Variants in PPP2R2C observed in about 807,000 individuals in gnomAD.
PPP2R2C encodes the protein protein phosphatase 2 regulatory subunit Bgamma, also known as protein phosphatase 2, regulatory subunit B, gamma.
PPP2R2C carries 10 observed loss-of-function variants against 45.3 expected under a neutral mutation model. The ratio of observed to expected loss-of-function variants is 0.22; its 90% CI spans 0.14 to 0.37. The LOEUF (loss-of-function observed/expected upper bound fraction) is 0.37, where lower values mean the gene tolerates loss of function less well. Among genes scored for constraint, PPP2R2C ranks in the 10% least tolerant of loss-of-function variants. The pLI is 1.00. For synonymous variants in PPP2R2C, 257 were observed against 245.4 expected (o/e 1.05, Z -0.44); for missense variants, 308 against 619.7 (o/e 0.50, Z 5.34).
intron 1 of PPP2R2C, among the ~76,000 whole-genome samples, chr4:6,420,211 G>A (rs1352927489): frequency 6.6e-6 from 1 of 152,164 alleles, no homozygotes; most frequent in Admixed American, 6.5e-5. Context: ...CCCAAGGACA[G>A]GCTGTGCAAC....
intron 1 of PPP2R2C, among the ~76,000 whole-genome samples, chr4:6,417,329 G>T (rs1372353837): frequency 6.6e-6 from 1 of 152,236 alleles, no homozygotes; most frequent in Non-Finnish European, 1.5e-5. Flanking sequence ...CCACCTCGGG[G>T]TTACGTGAAT....
rs574196268 is a variant in PPP2R2C at position 6,535,756 on chromosome 4, A to G, written c.-58-379T>C. Among the ~76,000 whole-genome samples, 16 of 152,272 alleles carry G rather than the reference A, an allele frequency of 1.1e-4. No individual in the cohort carries two copies. The South Asian group carries it at 2.3e-3, about 22-fold the overall frequency. On this transcript the variant is annotated intron_variant, in intron 1 of 9. Transcript: ENST00000506140. ...CTCCAGGTCACTCCCGCTTAAAAAC[A>G]TGGAACTAGAAGCCCCGCCCCACCC...
chr4:6,323,857 TCACCTGAGCCTGGGG>T (rs2109145152), intron 8 of PPP2R2C, among the ~76,000 whole-genome samples: 1 of 74,438 alleles, frequency 1.3e-5, no homozygotes, highest in Non-Finnish European at 2.9e-5. Flanking sequence ...GGCAGGAGGA[TCACCTGAGCCTGGGG>T]AGGCAGAGAC....
chr4:6,451,216 C>T lies in PPP2R2C; in HGVS notation c.70+20944G>A, dbSNP rs1477585116. Among the ~76,000 whole-genome samples, 4 of 152,144 alleles carry T rather than the reference C, an allele frequency of 2.6e-5. No individual in the cohort carries two copies. The East Asian group carries it at 7.7e-4, about 29-fold the overall frequency. On this transcript the variant is annotated intron_variant, in intron 1 of 8. Coordinates refer to ENST00000382599, the MANE Select transcript of PPP2R2C (RefSeq NM_020416.4). Reference sequence around the variant, plus strand: ...GTCAATCGTACCCACAGCCACATCCCCCAGTCCCAGCAAAGTGCCTGACAC... The same window carrying T: ...GTCAATCGTACCCACAGCCACATCCTCCAGTCCCAGCAAAGTGCCTGACAC...
chr4:6,472,283 T>A lies in PPP2R2C; in HGVS notation c.-54A>T, dbSNP rs542798241. 9.4e-6 allele frequency: 15 copies of A among 1,602,688 alleles called. No individual in the cohort carries two copies. In the Admixed American group the frequency reaches 2.5e-4, roughly 27 times the overall value. On this transcript the variant is annotated 5_prime_UTR_variant, in exon 1 of 9. Transcript: ENST00000382599. ...GCCCCGCCGCCACACACCGATGCAA[T>A]CCGCAGAGGTCGCGCCGGGCGCGCG...
In PPP2R2C at chr4:6,330,035, C is replaced by T. The variant is rs533288204; in HGVS notation, c.961-682G>A. On this transcript the variant is annotated intron_variant, in intron 7 of 8. Transcript: ENST00000382599. The surrounding 1 kb of genome is among the most constrained non-coding windows in gnomAD (Gnocchi z 7.0). Reference sequence around the variant, plus strand: ...AGAGGTTTCTCATCCATCCACAGCACGAGGCACTGAGGCTCACAGGGTCAC... The same window carrying T: ...AGAGGTTTCTCATCCATCCACAGCATGAGGCACTGAGGCTCACAGGGTCAC... Among the ~76,000 whole-genome samples, 5 of 152,224 alleles carry T rather than the reference C, an allele frequency of 3.3e-5. No homozygotes were observed. Among genetic ancestry groups the T allele is most frequent in the East Asian group, 1.9e-4 (1 of 5,170 alleles).
chr4:6,495,384 C>G (rs957809920), intron 2 of PPP2R2C, among the ~76,000 whole-genome samples: 2 of 152,330 alleles, frequency 1.3e-5, no homozygotes, highest in Non-Finnish European at 1.5e-5. Context: ...AACAGTGTCC[C>G]GGGCACTCCC....
chr4:6,536,915 A>G (rs1484362780), intron 1 of PPP2R2C, among the ~76,000 whole-genome samples: 1 of 152,216 alleles, frequency 6.6e-6, no homozygotes, highest in African/African-American at 2.4e-5. Context: ...ATATGGAAAG[A>G]TATCAGGTCA....
intron 1 of PPP2R2C, among the ~76,000 whole-genome samples, chr4:6,411,119 C>G (rs544592486): frequency 6.6e-6 from 1 of 152,082 alleles, no homozygotes; most frequent in Admixed American, 6.5e-5. Flanking sequence ...GATCTACCCA[C>G]CTCAGCCTCC....
chr4:6,405,843 G>A (rs1717762943), intron 1 of PPP2R2C, among the ~76,000 whole-genome samples: 2 of 152,172 alleles, frequency 1.3e-5, no homozygotes, highest in African/African-American at 4.8e-5. Context: ...CTTCGCGGAG[G>A]GGCAGGGGGA....
At chr4:6,456,506 T>TG (rs1721046747) in intron 1 of PPP2R2C, among the ~76,000 whole-genome samples, 1 of 152,186 alleles carries the variant, frequency 6.6e-6, no homozygotes, top group South Asian at 2.1e-4. Flanking sequence ...TACCTCTCCT[T>TG]GGGGCCATAA....
rs1732900237 is a variant in PPP2R2C, at chr4:6,336,662, TCCCTGCTTCCATCCC to T, written c.791-2946_791-2932del. ...CTCCCTCCCTCCCTCCCTCCCTCCC[TCCCTGCTTCCATCCC>T]TCCCTCCCTCCCTGCTTCCATCCCT... is the stretch of plus-strand genomic sequence containing the variant. On this transcript the variant is annotated intron_variant, in intron 6 of 8. Coordinates refer to ENST00000382599, the MANE Select transcript of PPP2R2C (RefSeq NM_020416.4). Among the ~76,000 whole-genome samples, 6 of 17,882 alleles carry T rather than the reference TCCCTGCTTCCATCCC, an allele frequency of 3.4e-4. 2 individuals carry two copies. Among genetic ancestry groups the T allele is most frequent in the Admixed American group, 5.4e-4 (1 of 1,856 alleles). 11.7% of individuals were successfully genotyped at this position (17,882 alleles called of 152,430 possible).
chr4:6,414,314 C>T (rs1373343121), intron 1 of PPP2R2C, among the ~76,000 whole-genome samples: 1 of 152,168 alleles, frequency 6.6e-6, no homozygotes, highest in Non-Finnish European at 1.5e-5. Flanking sequence ...ACCAGTTCCA[C>T]TGACCTGAGC....
intron 1 of PPP2R2C, among the ~76,000 whole-genome samples, chr4:6,410,387 G>A (rs959648598): frequency 3.3e-5 from 5 of 152,334 alleles, no homozygotes; most frequent in East Asian, 3.9e-4. Context: ...GACTCGGGGG[G>A]TGGTGGCCAC....
upstream of PPP2R2C, among the ~76,000 whole-genome samples, chr4:6,477,221 G>C (rs1490180480): frequency 1.3e-5 from 2 of 152,180 alleles, no homozygotes; most frequent in Non-Finnish European, 2.9e-5. Context: ...CTGCACTCCA[G>C]CCTGGGCCAC....
chr4:6,455,996 G>T (rs1721004443), intron 1 of PPP2R2C, among the ~76,000 whole-genome samples: 2 of 152,148 alleles, frequency 1.3e-5, no homozygotes, highest in Admixed American at 1.3e-4. Context: ...CCTGGGGGGG[G>T]GGAGCTGCGC....
At chr4:6,541,010 T>C (rs749978494) in intron 1 of PPP2R2C, among the ~76,000 whole-genome samples, 19 of 152,230 alleles carry the variant, frequency 1.2e-4, no homozygotes, top group Non-Finnish European at 2.5e-4. Flanking sequence ...TCAAGTCACT[T>C]CATGATTACA....
chr4:6,358,088 C>T (rs887361741), intron 5 of PPP2R2C, among the ~76,000 whole-genome samples: 7 of 152,158 alleles, frequency 4.6e-5, no homozygotes, highest in African/African-American at 7.2e-5. Flanking sequence ...TCAAACTATG[C>T]TACAAAGCTA....
upstream of PPP2R2C, among the ~76,000 whole-genome samples, chr4:6,477,583 G>A (rs547548676): frequency 2.0e-5 from 3 of 151,734 alleles, no homozygotes; most frequent in Non-Finnish European, 4.4e-5. Context: ...AAAATTAGCC[G>A]GGCATGGTGG....
Sources: allele counts gnomAD v4.1 joint callset (sites outside exome capture counted in the v4.1 genomes callset), GRCh38; gene constraint gnomAD v4.1.1; non-coding constraint Gnocchi (gnomAD v3.1); transcripts MANE v1.5; gene names NCBI Gene and HGNC (gene_info 2026-07-23, HGNC 2026-07-21).